Variants in RANBP17 observed in about 807,000 individuals in gnomAD.
The protein encoded by RANBP17 is ran-binding protein 17.
In RANBP17, 158 loss-of-function variants were observed where a neutral mutation model predicts 141.2. The observed-to-expected ratio is 1.12, with a 90% CI of 0.98 to 1.28. The LOEUF (loss-of-function observed/expected upper bound fraction) is 1.28, where lower values mean the gene tolerates loss of function less well. Among genes scored for constraint, RANBP17 ranks in the 50% most tolerant of loss-of-function variants. RANBP17 has a pLI of 0.00. For synonymous variants in RANBP17, 430 were observed against 450.0 expected (o/e 0.96, Z 0.56); for missense variants, 1,438 against 1,290.7 (o/e 1.11, Z -1.75).
At chr5:171,185,814 A>G (rs1051004041) in intron 18 of RANBP17, among the ~76,000 whole-genome samples, 1 of 152,214 alleles carries the variant, frequency 6.6e-6, no homozygotes, top group Admixed American at 6.5e-5. Context: ...CCACTGAATA[A>G]CAAATGTTCT....
intron 14 of RANBP17, among the ~76,000 whole-genome samples, chr5:170,976,339 G>A (rs1317798236): frequency 6.6e-6 from 1 of 152,080 alleles, no homozygotes; most frequent in East Asian, 1.9e-4. Flanking sequence ...AATTAAAGGG[G>A]ATGTAATAAC....
chr5:170,960,912 A>AT (rs747942719), intron 13 of RANBP17, among the ~76,000 whole-genome samples: 26 of 152,204 alleles, frequency 1.7e-4, no homozygotes, highest in Middle Eastern at 6.8e-3. Flanking sequence ...CACCTGGCTA[A>AT]TTTTTTTATT....
chr5:170,879,193 T>C (rs1768448240), intron 2 of RANBP17, among the ~76,000 whole-genome samples: 1 of 152,184 alleles, frequency 6.6e-6, no homozygotes, highest in Non-Finnish European at 1.5e-5. Context: ...TAGGTACTGC[T>C]AAATACTAAT....
At chr5:171,256,078 GC>G (rs756268668) in intron 24 of RANBP17, among the ~76,000 whole-genome samples, 7 of 152,128 alleles carry the variant, frequency 4.6e-5, no homozygotes, top group Non-Finnish European at 1.0e-4. Context: ...TTCCTTGATG[GC>G]AGTAGAAAGA....
chr5:171,018,935 G>A lies in RANBP17; in HGVS notation c.1710+50558G>A, dbSNP rs373290845. Among the ~76,000 whole-genome samples the A allele has an allele frequency of 4.1e-4, 63 of 152,166 alleles. 1 individual carries two copies. In the South Asian group the frequency reaches 0.012, roughly 30 times the overall value. ...TATTATTTTGAGATATGTTCCATCA[G>A]TGCCTAGTTTATTGAGAGTTTTTAA... On this transcript the variant is annotated intron_variant, in intron 14 of 27. Transcript: ENST00000523189.
intron 25 of RANBP17, among the ~76,000 whole-genome samples, chr5:171,272,218 T>G (rs1268926991): frequency 6.6e-6 from 1 of 152,096 alleles, no homozygotes; most frequent in Non-Finnish European, 1.5e-5. Flanking sequence ...AGGGTGAAGA[T>G]CAAACAACTA....
At chr5:171,251,097 A>T (rs1554123750) in intron 24 of RANBP17, among the ~76,000 whole-genome samples, 1 of 151,976 alleles carries the variant, frequency 6.6e-6, no homozygotes, top group Non-Finnish European at 1.5e-5. Context: ...CTCAACAAAA[A>T]TTTTTTTTAG....
intron 12 of RANBP17, among the ~76,000 whole-genome samples, chr5:170,929,904 C>T (rs191602129): frequency 6.6e-6 from 1 of 152,160 alleles, no homozygotes; most frequent in Non-Finnish European, 1.5e-5. Flanking sequence ...TTCTGTTTCC[C>T]TTGGGGTCAA....
intron 14 of RANBP17, among the ~76,000 whole-genome samples, chr5:171,015,767 ACG>A (rs1780384359): frequency 6.6e-6 from 1 of 152,160 alleles, no homozygotes; most frequent in Admixed American, 6.6e-5. Context: ...CTAGAAAAGC[ACG>A]TAGTCTAGGA....
chr5:171,061,358 T>G (rs1315692967), intron 14 of RANBP17, among the ~76,000 whole-genome samples: 1 of 152,180 alleles, frequency 6.6e-6, no homozygotes, highest in Non-Finnish European at 1.5e-5. Flanking sequence ...TCTGGTATGT[T>G]GTGTCTTTGT....
rs372451784 is a variant in RANBP17, at chr5:170,892,406, C to T, written c.276C>T (p.Tyr92=). The T allele has an allele frequency of 4.6e-5, 69 of 1,514,236 alleles. No homozygotes were observed. Among genetic ancestry groups the T allele is most frequent in the Admixed American group, 1.1e-4 (6 of 55,712 alleles). The allele number at this position is 1,514,236 out of a possible 1,614,324, so 93.8% of individuals were successfully genotyped here. A position where few individuals can be genotyped will look rare whatever the true frequency, so the allele number is the denominator to read the frequency against. ...TTGTAGGAAACTACATTCTGAATTACGTGGCATCACAGCCCAAGCTGGCTC... is the reference window on the plus strand; with the variant it reads ...TTGTAGGAAACTACATTCTGAATTATGTGGCATCACAGCCCAAGCTGGCTC... ...RMDIRNYILN[Y]VASQPKLAPF... Residue 92 remains tyrosine, a synonymous_variant, in exon 4 of 28, where the codon TAC becomes TAT. Transcript: ENST00000523189.
At chr5:171,274,830 A>G (rs1001916088) in intron 25 of RANBP17, among the ~76,000 whole-genome samples, 2 of 152,240 alleles carry the variant, frequency 1.3e-5, no homozygotes, top group Admixed American at 6.5e-5. Flanking sequence ...CCAAATGGAA[A>G]TGCTAAGAGA....
chr5:170,945,517 G>C lies in RANBP17; in HGVS notation c.1469-8080G>C, dbSNP rs190255935. Among the ~76,000 whole-genome samples, 6 of 152,258 alleles carry C rather than the reference G, an allele frequency of 3.9e-5. No individual in the cohort carries two copies. In the East Asian group the frequency reaches 7.7e-4, roughly 20 times the overall value. On this transcript the variant is annotated intron_variant, in intron 12 of 27. Transcript: ENST00000523189. ...GGGCCAGGTATTATTATCCTTGTAAGATTAAGTAGCCTAGTGTAAATAAGT... is the reference window on the plus strand; with the variant it reads ...GGGCCAGGTATTATTATCCTTGTAACATTAAGTAGCCTAGTGTAAATAAGT...
chr5:170,984,036 A>G (rs552744456), intron 14 of RANBP17, among the ~76,000 whole-genome samples: 1 of 152,308 alleles, frequency 6.6e-6, no homozygotes, highest in East Asian at 1.9e-4. Flanking sequence ...AGAGCCTAAC[A>G]TTAGATTTTC....
intron 14 of RANBP17, among the ~76,000 whole-genome samples, chr5:171,064,792 A>T (rs1302167121): frequency 6.6e-6 from 1 of 151,764 alleles, no homozygotes; most frequent in East Asian, 1.9e-4. Context: ...AAGTACTGGG[A>T]TTACAGACAT....
intron 14 of RANBP17, among the ~76,000 whole-genome samples, chr5:171,121,852 C>A (rs1561676170): frequency 6.6e-6 from 1 of 152,206 alleles, no homozygotes; most frequent in Non-Finnish European, 1.5e-5. Flanking sequence ...AAGAAGGGCA[C>A]ACTCCAGAGG....
chr5:170,885,941 G>A (rs1020875083), intron 3 of RANBP17, among the ~76,000 whole-genome samples: 1 of 146,620 alleles, frequency 6.8e-6, no homozygotes, highest in African/African-American at 2.5e-5. Flanking sequence ...TGTATATCCT[G>A]TGAAGTCATG....
chr5:171,150,773 C>T (rs1009401670), intron 14 of RANBP17, among the ~76,000 whole-genome samples: 3 of 152,138 alleles, frequency 2.0e-5, no homozygotes, highest in Admixed American at 2.0e-4. Context: ...ATTCTGTGAT[C>T]CAAAGTTTCT....
At chr5:170,958,424 G>C (rs186984660) in intron 13 of RANBP17, among the ~76,000 whole-genome samples, 10 of 151,692 alleles carry the variant, frequency 6.6e-5, no homozygotes, top group Non-Finnish European at 1.2e-4. Flanking sequence ...GGTGAGAGGT[G>C]ATAGTGTGGT....
Sources: gnomAD v4.1 joint callset for allele counts (sites outside exome capture counted in the v4.1 genomes callset) on GRCh38, gnomAD v4.1.1 for gene constraint, MANE v1.5 for transcripts, NCBI Gene and HGNC (gene_info 2026-07-23, HGNC 2026-07-21) for gene names.